The following ARHGAP15 variants were observed in gnomAD, a reference collection of about 807,000 sequenced individuals.
ARHGAP15 encodes the protein Rho GTPase activating protein 15, also known as rho GTPase-activating protein 15.
A neutral mutation model predicts 63.7 loss-of-function variants in ARHGAP15; 51 were observed. The observed-to-expected ratio is 0.80, with a 90% CI of 0.64 to 1.01. The LOEUF (loss-of-function observed/expected upper bound fraction) is 1.01, where lower values mean the gene tolerates loss of function less well. Among genes scored for constraint, ARHGAP15 ranks in the 50% least tolerant of loss-of-function variants. The pLI is 0.00. For missense variants in ARHGAP15, 560 were observed against 564.6 expected, an observed-to-expected ratio of 0.99 and a Z score of 0.08; for synonymous variants, 191 against 193.8, an observed-to-expected ratio of 0.99 and a Z score of 0.12.
At chr2:143,725,173 TA>T (rs1231074913) in intron 13 of ARHGAP15, among the ~76,000 whole-genome samples, 1 of 152,230 alleles carries the variant, frequency 6.6e-6, no homozygotes, top group Non-Finnish European at 1.5e-5. Context: ...TCCATCTAAG[TA>T]AAAGAAGTTT....
chr2:143,458,661 G>A (rs1004650617), intron 8 of ARHGAP15, among the ~76,000 whole-genome samples: 2 of 152,152 alleles, frequency 1.3e-5, no homozygotes, highest in African/African-American at 4.8e-5. Context: ...ACATCATTCG[G>A]ATGAATAGTT....
At position 143,366,209 on chromosome 2, in the gene ARHGAP15, A is replaced by G. The variant is rs143533239; in HGVS notation, c.475-69392A>G. Among the ~76,000 whole-genome samples the G allele has an allele frequency of 8.6e-5, 13 of 151,780 alleles. No individual in the cohort carries two copies. In the East Asian group the frequency reaches 2.3e-3, roughly 27 times the overall value. ...GTATCCTCACAGCATTAAATATGCT[A>G]TTTTTTCAAGTAACAGATCCTGTAT... On this transcript the variant is annotated intron_variant, in intron 6 of 13. Coordinates refer to ENST00000295095, the MANE Select transcript of ARHGAP15 (RefSeq NM_018460.4).
At chr2:143,680,007 C>A (rs1683022875) in intron 12 of ARHGAP15, among the ~76,000 whole-genome samples, 1 of 111,864 alleles carries the variant, frequency 8.9e-6, no homozygotes, top group Admixed American at 1.2e-4. Context: ...GTTTCTGGTC[C>A]ATAAGTAAAT....
At position 143,768,221 on chromosome 2, in the gene ARHGAP15, T is replaced by C; in HGVS notation, c.*49T>C. 2.0e-6 allele frequency: 3 copies of C among 1,465,946 alleles called. No homozygotes were observed. The highest frequency in any genetic ancestry group is 1.4e-5 in the South Asian group (1 of 69,342). The allele number at this position is 1,465,946 out of a possible 1,614,324, so 90.8% of individuals were successfully genotyped here. Reference sequence around the variant, plus strand: ...CGTTCACATCTGTCTTGATGCCTAATATTTTTACATTTCTGTAAACATATT... The same window carrying C: ...CGTTCACATCTGTCTTGATGCCTAACATTTTTACATTTCTGTAAACATATT... On this transcript the variant is annotated 3_prime_UTR_variant, in exon 14 of 14. Transcript: ENST00000295095.
At chr2:143,586,732 T>A (rs984920649) in intron 11 of ARHGAP15, among the ~76,000 whole-genome samples, 8 of 152,136 alleles carry the variant, frequency 5.3e-5, no homozygotes, top group Non-Finnish European at 1.0e-4. Flanking sequence ...GTTTCTTGAA[T>A]AATTCATCTT....
At chr2:143,724,175 T>TA (rs930617999) in intron 13 of ARHGAP15, among the ~76,000 whole-genome samples, 29 of 152,198 alleles carry the variant, frequency 1.9e-4, no homozygotes, top group African/African-American at 6.0e-4. Context: ...AATTCGATCT[T>TA]ACATTAAATC....
At chr2:143,664,140 A>G (rs183307797) in intron 12 of ARHGAP15, among the ~76,000 whole-genome samples, 215 of 152,292 alleles carry the variant, frequency 1.4e-3, no homozygotes, top group African/African-American at 5.0e-3. Flanking sequence ...CACCACACCT[A>G]TTCCAAAATT....
intron 2 of ARHGAP15, among the ~76,000 whole-genome samples, chr2:143,183,982 G>T (rs1214034100): frequency 6.6e-6 from 1 of 152,142 alleles, no homozygotes; most frequent in Non-Finnish European, 1.5e-5. Flanking sequence ...TTAGCCCATG[G>T]CAGTTGACTC....
intron 6 of ARHGAP15, among the ~76,000 whole-genome samples, chr2:143,357,700 T>TA (rs1433278518): frequency 6.6e-6 from 1 of 152,098 alleles, no homozygotes; most frequent in African/African-American, 2.4e-5. Flanking sequence ...TTGAGTATAG[T>TA]AAAAATTAAT....
At chr2:143,175,102 A>G (rs1690961682) in intron 2 of ARHGAP15, among the ~76,000 whole-genome samples, 1 of 152,140 alleles carries the variant, frequency 6.6e-6, no homozygotes, top group Non-Finnish European at 1.5e-5. Context: ...CTATGCATAC[A>G]TAGAAAGAAA....
At chr2:143,737,196 G>A (rs1406292739) in intron 13 of ARHGAP15, among the ~76,000 whole-genome samples, 1 of 152,230 alleles carries the variant, frequency 6.6e-6, no homozygotes, top group East Asian at 1.9e-4. Flanking sequence ...AGGAGATAGA[G>A]AGCTGATTAA....
chr2:143,572,464 A>T (rs1696501204), intron 11 of ARHGAP15, among the ~76,000 whole-genome samples: 1 of 152,040 alleles, frequency 6.6e-6, no homozygotes, highest in Admixed American at 6.6e-5. Context: ...CCCATCTCTC[A>T]AGAGTCCACT....
At chr2:143,629,464 A>G (rs1290505223) in intron 12 of ARHGAP15, among the ~76,000 whole-genome samples, 2 of 152,188 alleles carry the variant, frequency 1.3e-5, no homozygotes, top group Middle Eastern at 3.2e-3. Context: ...ATGTGAACTC[A>G]GTAGAAAAGC....
chr2:143,759,961 T>C (rs1177696329), intron 13 of ARHGAP15, among the ~76,000 whole-genome samples: 1 of 152,160 alleles, frequency 6.6e-6, no homozygotes, highest in Non-Finnish European at 1.5e-5. Context: ...ATTACTTCTC[T>C]TTTTCTTAGC....
At chr2:143,229,044 A>G (rs1693335362) in intron 5 of ARHGAP15, among the ~76,000 whole-genome samples, 1 of 152,190 alleles carries the variant, frequency 6.6e-6, no homozygotes, top group South Asian at 2.1e-4. Context: ...TTAGTAATAA[A>G]TGCTTAACGG....
chr2:143,497,902 T>A (rs1692888893), intron 9 of ARHGAP15, among the ~76,000 whole-genome samples: 1 of 152,200 alleles, frequency 6.6e-6, no homozygotes, highest in South Asian at 2.1e-4. Flanking sequence ...ATGGTGTGTA[T>A]GTTGAGTGTG....
intron 6 of ARHGAP15, among the ~76,000 whole-genome samples, chr2:143,309,357 C>T (rs1437026709): frequency 6.6e-6 from 1 of 151,626 alleles, no homozygotes; most frequent in Non-Finnish European, 1.5e-5. Flanking sequence ...AAAGATTTGC[C>T]TAAAATCTCA....
intron 13 of ARHGAP15, among the ~76,000 whole-genome samples, chr2:143,717,189 A>G (rs1443791277): frequency 6.6e-6 from 1 of 152,190 alleles, no homozygotes; most frequent in Non-Finnish European, 1.5e-5. Flanking sequence ...CCAGATGCCC[A>G]ACCACGGAAG....
At chr2:143,727,407 G>A (rs966554222) in intron 13 of ARHGAP15, among the ~76,000 whole-genome samples, 3 of 152,096 alleles carry the variant, frequency 2.0e-5, no homozygotes, top group African/African-American at 7.2e-5. Context: ...ATTTCAGTGG[G>A]AGTCCAAGGA....
Sources: gnomAD v4.1 joint callset for allele counts (sites outside exome capture counted in the v4.1 genomes callset) on GRCh38, gnomAD v4.1.1 for gene constraint, MANE v1.5 for transcripts, NCBI Gene and HGNC (gene_info 2026-07-23, HGNC 2026-07-21) for gene names.